TGFB3: variants seen among roughly 807,000 people sequenced by gnomAD.
TGFB3 encodes the protein transforming growth factor beta 3.
TGFB3 carries 5 observed loss-of-function variants against 40.1 expected under a neutral mutation model. The observed-to-expected ratio is 0.12, with a 90% CI of 0.07 to 0.26. The LOEUF (loss-of-function observed/expected upper bound fraction) is 0.26, where lower values mean the gene tolerates loss of function less well. Ranked by LOEUF, TGFB3 falls within the 10% of genes least tolerant of loss-of-function variation. TGFB3 has a pLI of 1.00. For synonymous variants in TGFB3, 184 were observed against 205.6 expected, an observed-to-expected ratio of 0.89 and a Z score of 0.90; for missense variants, 373 against 530.1, an observed-to-expected ratio of 0.70 and a Z score of 2.91.
chr14:75,959,931 C>CTTTTTTTT lies in TGFB3; in HGVS notation c.1081-594_1081-587dup, dbSNP rs71122509. On this transcript the variant is annotated intron_variant, in intron 6 of 6. Transcript: ENST00000238682. Reference sequence around the variant, plus strand: ...CTACACTGATAACGAATTATCTTGGCTTTTTTTTTTTTTTTTTTTTTTTTT... The same window carrying CTTTTTTTT: ...CTACACTGATAACGAATTATCTTGGCTTTTTTTTTTTTTTTTTTTTTTTTTTTTTTTTT... 7.2e-4 allele frequency among the ~76,000 whole-genome samples: 23 copies of CTTTTTTTT among 32,016 alleles called. 4 individuals are homozygous for CTTTTTTTT. Among genetic ancestry groups the CTTTTTTTT allele is most frequent in the Non-Finnish European group, 8.7e-4 (16 of 18,420 alleles). The allele number at this position is 32,016 out of a possible 152,430, so 21.0% of individuals were successfully genotyped here. A position where few individuals can be genotyped will look rare whatever the true frequency, so the allele number is the denominator to read the frequency against.
Position 75,959,048 on chromosome 14 carries a change from C to T in TGFB3, c.*139G>A. 1.0e-6 allele frequency: 1 copy of T among 1,002,280 alleles called. No individual in the cohort carries two copies. Among genetic ancestry groups the T allele is most frequent in the Non-Finnish European group, 1.6e-6 (1 of 639,928 alleles). 62.1% of individuals were successfully genotyped at this position (1,002,280 alleles called of 1,614,324 possible). On this transcript the variant is annotated 3_prime_UTR_variant, in exon 7 of 7. Coordinates refer to ENST00000238682, the MANE Select transcript of TGFB3 (RefSeq NM_003239.5). Reference sequence around the variant, plus strand: ...AAAGAAATGTTCCAAAAGGAAACCTCCATCTCAGCCATTTGCCCGGAGCCG... The same window carrying T: ...AAAGAAATGTTCCAAAAGGAAACCTTCATCTCAGCCATTTGCCCGGAGCCG...
chr14:75,971,498 A>G lies in TGFB3; in HGVS notation c.516+57T>C. The stretch of plus-strand genomic sequence containing the variant: ...ACGCTGCACCCAGTGGTGCCCTGAT[A>G]TGGCAAAGGAACCAGCTTTCCCGTC... On this transcript the variant is annotated intron_variant, in intron 2 of 6. Transcript: ENST00000238682. This position sits in a 1 kb window ranked among gnomAD's most constrained non-coding sequence, Gnocchi z 4.5. The G allele has an allele frequency of 6.2e-7, 1 of 1,608,480 alleles. No individual in the cohort carries two copies. The highest frequency in any genetic ancestry group is 8.5e-7 in the Non-Finnish European group (1 of 1,177,500).
chr14:75,976,778 T>A (rs995115560), intron 1 of TGFB3, among the ~76,000 whole-genome samples: 6 of 152,150 alleles, frequency 3.9e-5, no homozygotes, highest in Non-Finnish European at 8.8e-5. Flanking sequence ...CTGGTGCAGT[T>A]TATCATGACG....
intron 5 of TGFB3, 86 bp from the exon 6 acceptor site, chr14:75,961,162 TC>T (rs2035152683): frequency 1.3e-6 from 2 of 1,492,150 alleles, no homozygotes; most frequent in Non-Finnish European, 1.8e-6. Flanking sequence ...TCCCTTGGAG[TC>T]CTTTCATGCC....
At chr14:75,974,160 G>A (rs1239468374) in intron 1 of TGFB3, among the ~76,000 whole-genome samples, 1 of 151,940 alleles carries the variant, frequency 6.6e-6, no homozygotes. Flanking sequence ...GAAGGGAGAT[G>A]GAAAATGGCA....
intron 5 of TGFB3, among the ~76,000 whole-genome samples, chr14:75,962,665 C>T (rs1230936533): frequency 6.6e-6 from 1 of 152,196 alleles, no homozygotes; most frequent in African/African-American, 2.4e-5. Context: ...CCAGTTAAAG[C>T]ACTTAATCCT....
chr14:75,976,472 G>A (rs983137412), intron 1 of TGFB3, among the ~76,000 whole-genome samples: 4 of 152,156 alleles, frequency 2.6e-5, no homozygotes, highest in South Asian at 2.1e-4. Context: ...TTGATTAACC[G>A]TTAAATGAAT....
chr14:75,971,128 C>G lies in TGFB3; in HGVS notation c.644G>C (p.Arg215Thr). ...TDTVREWLLR[R>T]ESNLGLEISI... is the part of the protein sequence containing the mutation. ...GCTTATCTGAAGGGTCCACCTACCTCTTCTCAACAGCCACTCACGCACAGT... is the reference window on the plus strand; with the variant it reads ...GCTTATCTGAAGGGTCCACCTACCTGTTCTCAACAGCCACTCACGCACAGT... Residue 215 changes from arginine (R) to threonine (T), a missense_variant and splice_region_variant, in exon 3 of 7, where the codon AGA becomes ACA. Arg to Thr is a moderately conservative substitution (Grantham distance 71). Coordinates refer to ENST00000238682, the MANE Select transcript of TGFB3 (RefSeq NM_003239.5). The surrounding 1 kb of genome is among the most constrained non-coding windows in gnomAD (Gnocchi z 4.5). The G allele has an allele frequency of 3.1e-6, 5 of 1,613,994 alleles. No individual in the cohort carries two copies. Among genetic ancestry groups the G allele is most frequent in the Non-Finnish European group, 3.4e-6 (4 of 1,180,000 alleles).
At chr14:75,962,995 C>A in intron 5 of TGFB3, 2 of 461,272 alleles carry the variant, frequency 4.3e-6, no homozygotes, top group Non-Finnish European at 8.0e-6. Context: ...GTGCTTAAAA[C>A]ATGGAAATCA....
intron 1 of TGFB3, among the ~76,000 whole-genome samples, chr14:75,974,260 T>C (rs2035326619): frequency 6.6e-6 from 1 of 152,110 alleles, no homozygotes; most frequent in African/African-American, 2.4e-5. Flanking sequence ...CAGGACACCC[T>C]AGTGGCCGTC....
At position 75,981,366 on chromosome 14, in the gene TGFB3, A is replaced by C; in HGVS notation, c.-473T>G. 1 of 168,476 alleles carries C rather than the reference A, an allele frequency of 5.9e-6. No homozygotes were observed. 10.4% of individuals were successfully genotyped at this position (168,476 alleles called of 1,614,324 possible). Reference sequence around the variant, plus strand: ...ACCATGGCTGGGTCCCAAAATCAAAATCCTTGCCTTGCCTTGAAAGAAAAT... The same window carrying C: ...ACCATGGCTGGGTCCCAAAATCAAACTCCTTGCCTTGCCTTGAAAGAAAAT... On this transcript the variant is annotated 5_prime_UTR_variant, in exon 1 of 7. Coordinates refer to ENST00000238682, the MANE Select transcript of TGFB3 (RefSeq NM_003239.5). This position sits in a 1 kb window ranked among gnomAD's most constrained non-coding sequence, Gnocchi z 4.7.
chr14:75,974,671 A>T (rs937224430), intron 1 of TGFB3, among the ~76,000 whole-genome samples: 2 of 150,658 alleles, frequency 1.3e-5, no homozygotes, highest in Admixed American at 1.3e-4. Context: ...AGGCTGAGGC[A>T]GGAGAGTCAC....
At chr14:75,976,241 GA>G (rs1252011067) in intron 1 of TGFB3, among the ~76,000 whole-genome samples, 3 of 152,146 alleles carry the variant, frequency 2.0e-5, no homozygotes, top group African/African-American at 7.2e-5. Flanking sequence ...GAATCACCTG[GA>G]AAGCTTTAAA....
intron 1 of TGFB3, among the ~76,000 whole-genome samples, chr14:75,974,183 ACAGT>A (rs2035325997): frequency 6.6e-6 from 1 of 151,918 alleles, no homozygotes; most frequent in African/African-American, 2.4e-5. Flanking sequence ...TGCTGGTGAG[ACAGT>A]CAGAGTGGGT....
rs1238496285 is a variant in TGFB3, at chr14:75,961,001, A to G, written c.1002T>C (p.His334=). 1.9e-6 allele frequency: 3 copies of G among 1,614,130 alleles called. No individual in the cohort carries two copies. Among genetic ancestry groups the G allele is most frequent in the East Asian group, 4.5e-5 (2 of 44,904 alleles). The change falls in exon 6 of 7, where the codon CAT becomes CAC. Residue 334 remains histidine, a synonymous_variant. Coordinates refer to ENST00000238682, the MANE Select transcript of TGFB3 (RefSeq NM_003239.5). ...AGTTGGCATAGTAGCCCTTAGGTTC[A>G]TGGACCCACTTCCAGCCCAGATCCT... ...FRQDLGWKWV[H]EPKGYYANFC...
intron 3 of TGFB3, among the ~76,000 whole-genome samples, chr14:75,969,187 T>C (rs1353505039): frequency 6.6e-6 from 1 of 152,212 alleles, no homozygotes; most frequent in African/African-American, 2.4e-5. Context: ...GCCTTTGAGC[T>C]TTAACTCTTA....
chr14:75,973,671 C>T (rs1387509069), intron 1 of TGFB3, among the ~76,000 whole-genome samples: 1 of 152,186 alleles, frequency 6.6e-6, no homozygotes, highest in Non-Finnish European at 1.5e-5. Context: ...CACTTGAGCT[C>T]GGGAGGTCCA....
At chr14:75,963,140 C>T (rs904143033) in intron 5 of TGFB3, 176 bp downstream of exon 5, 35 of 775,880 alleles carry the variant, frequency 4.5e-5, no homozygotes, top group African/African-American at 1.7e-5. Flanking sequence ...CCCAGGAAAA[C>T]AGAAAGAGAT....
chr14:75,961,161 G>T, intron 5 of TGFB3, 85 bp from the exon 6 acceptor site: 1 of 1,491,038 alleles, frequency 6.7e-7, no homozygotes, highest in Non-Finnish European at 9.2e-7. Flanking sequence ...CTCCCTTGGA[G>T]TCCTTTCATG....
Sources: allele counts gnomAD v4.1 joint callset (sites outside exome capture counted in the v4.1 genomes callset), GRCh38; gene constraint gnomAD v4.1.1; non-coding constraint Gnocchi (gnomAD v3.1); transcripts MANE v1.5; gene names NCBI Gene and HGNC (gene_info 2026-07-23, HGNC 2026-07-21).